MOSMO: variants seen among roughly 807,000 people sequenced by gnomAD.
MOSMO encodes modulator of smoothened protein.
Under a neutral mutation model 18.4 loss-of-function variants are expected in MOSMO, and 5 were observed. The observed-to-expected ratio is 0.27, with a 90% CI of 0.14 to 0.57. MOSMO has a LOEUF of 0.57. Among genes scored for constraint, MOSMO ranks in the 20% least tolerant of loss-of-function variants. The pLI is 0.92. For missense variants in MOSMO, 138 were observed against 211.8 expected (o/e 0.65, Z 2.16); for synonymous variants, 82 against 82.3 (o/e 1.00, Z 0.02).
chr16:22,069,323 A>G (rs1392733530), intron 1 of MOSMO, among the ~76,000 whole-genome samples: 2 of 152,216 alleles, frequency 1.3e-5, no homozygotes, highest in Admixed American at 1.3e-4. Flanking sequence ...TCTAAGAATT[A>G]GAGCATCAAG....
downstream of MOSMO, among the ~76,000 whole-genome samples, chr16:22,088,515 A>G (rs2141798788): frequency 6.6e-6 from 1 of 152,328 alleles, no homozygotes; most frequent in Non-Finnish European, 1.5e-5. Flanking sequence ...AACTTCTCAA[A>G]TGTCATAATA....
chr16:22,061,236 CATTGA>C (rs1221022767), intron 1 of MOSMO, among the ~76,000 whole-genome samples: 2 of 152,158 alleles, frequency 1.3e-5, no homozygotes, highest in Non-Finnish European at 2.9e-5. Context: ...TGTCAGAACT[CATTGA>C]ATTGTACATT....
intron 1 of MOSMO, among the ~76,000 whole-genome samples, chr16:22,058,901 AG>A (rs1900589974): frequency 6.6e-6 from 1 of 152,198 alleles, no homozygotes; most frequent in African/African-American, 2.4e-5. Flanking sequence ...TTGCCTAGGA[AG>A]AATATGGAGT....
intron 1 of MOSMO, among the ~76,000 whole-genome samples, chr16:22,016,753 T>C (rs1331003229): frequency 6.6e-6 from 1 of 152,220 alleles, no homozygotes; most frequent in Non-Finnish European, 1.5e-5. Flanking sequence ...GTTGAGGGTT[T>C]TTATTAATGA....
In MOSMO at chr16:22,075,488, A is replaced by G. The variant is rs1039703764; in HGVS notation, c.108A>G (p.Gly36=). 9 of 1,536,986 alleles carry G rather than the reference A, an allele frequency of 5.9e-6. No homozygotes were observed. The African/African-American group carries it at 1.1e-4, about 19-fold the overall frequency. Residue 36 remains glycine (G), a splice_region_variant and synonymous_variant, in exon 2 of 3, where the codon GGA becomes GGG. Coordinates refer to ENST00000542527, the MANE Select transcript of MOSMO (RefSeq NM_001164579.2). The part of the protein sequence containing the change: ...PDWINTGESA[G]ALTVGLVRQC... ...TTCCCACCATTTGCATCTCCCCAGG[A>G]GCACTCACTGTGGGCCTCGTGCGAC...
chr16:22,052,398 CA>C (rs1359864301), intron 1 of MOSMO, among the ~76,000 whole-genome samples: 1 of 152,196 alleles, frequency 6.6e-6, no homozygotes, highest in Admixed American at 6.5e-5. Flanking sequence ...GACCCTTATA[CA>C]CTGCTGGGAG....
At chr16:22,009,239 T>C (rs913137749) in intron 1 of MOSMO, among the ~76,000 whole-genome samples, 1 of 152,142 alleles carries the variant, frequency 6.6e-6, no homozygotes, top group Non-Finnish European at 1.5e-5. Context: ...TTCCAGCGCA[T>C]CACAAAAACG....
intron 1 of MOSMO, among the ~76,000 whole-genome samples, chr16:22,066,408 A>C (rs1375393608): frequency 6.6e-6 from 1 of 152,130 alleles, no homozygotes; most frequent in Non-Finnish European, 1.5e-5. Flanking sequence ...GCTCCAACTT[A>C]TTTCTGGGAA....
At chr16:22,034,580 T>C (rs1464354043) in intron 1 of MOSMO, among the ~76,000 whole-genome samples, 1 of 152,114 alleles carries the variant, frequency 6.6e-6, no homozygotes, top group Non-Finnish European at 1.5e-5. Context: ...GTAATTCTTA[T>C]CTTTGCTCTT....
chr16:22,061,222 T>G (rs1900639433), intron 1 of MOSMO, among the ~76,000 whole-genome samples: 2 of 152,182 alleles, frequency 1.3e-5, no homozygotes, highest in African/African-American at 4.8e-5. Flanking sequence ...TGGCTACATA[T>G]ATTTGTCAGA....
intron 1 of MOSMO, among the ~76,000 whole-genome samples, chr16:22,061,193 T>C (rs1900638732): frequency 6.6e-6 from 1 of 152,190 alleles, no homozygotes; most frequent in South Asian, 2.1e-4. Context: ...GATGCACACA[T>C]TCTATATCAT....
intron 1 of MOSMO, among the ~76,000 whole-genome samples, chr16:22,015,104 G>A (rs1307355296): frequency 6.6e-6 from 1 of 152,116 alleles, no homozygotes; most frequent in Non-Finnish European, 1.5e-5. Context: ...GCTAAGAGGT[G>A]CCTCTTAGCC....
At chr16:22,062,855 C>T (rs566057537) in intron 1 of MOSMO, among the ~76,000 whole-genome samples, 3 of 151,924 alleles carry the variant, frequency 2.0e-5, no homozygotes, top group South Asian at 2.1e-4. Context: ...ACCTGGATTT[C>T]GGTCTTTTTT....
intron 1 of MOSMO, among the ~76,000 whole-genome samples, chr16:22,009,552 G>C (rs941062956): frequency 2.0e-5 from 3 of 152,028 alleles, no homozygotes; most frequent in Non-Finnish European, 2.9e-5. Context: ...GTAAACAGCT[G>C]TCAGGAGAGC....
chr16:22,024,838 G>C (rs750492483), intron 1 of MOSMO, among the ~76,000 whole-genome samples: 3 of 152,086 alleles, frequency 2.0e-5, no homozygotes, highest in Non-Finnish European at 2.9e-5. Context: ...ACAGACTGTA[G>C]AGCCTAGGTT....
intron 1 of MOSMO, among the ~76,000 whole-genome samples, chr16:22,035,045 A>C (rs920471713): frequency 2.2e-4 from 34 of 151,906 alleles, no homozygotes; most frequent in African/African-American, 7.7e-4. Context: ...AGACTTCTTA[A>C]ATAAGGCCTG....
intron 1 of MOSMO, among the ~76,000 whole-genome samples, chr16:22,074,475 A>G (rs1280648308): frequency 6.6e-6 from 1 of 152,162 alleles, no homozygotes. Context: ...AGCTCCAGAA[A>G]TTTCCATTCC....
At chr16:22,043,769 G>C (rs766475726) in intron 1 of MOSMO, among the ~76,000 whole-genome samples, 1 of 152,104 alleles carries the variant, frequency 6.6e-6, no homozygotes, top group African/African-American at 2.4e-5. Context: ...ATTTATAATC[G>C]TAGAGACTTG....
chr16:22,064,765 G>A (rs1900717498), intron 1 of MOSMO, among the ~76,000 whole-genome samples: 1 of 151,816 alleles, frequency 6.6e-6, no homozygotes, highest in Non-Finnish European at 1.5e-5. Flanking sequence ...AGAATTGTAT[G>A]GATTTATCTA....
Sources: gnomAD v4.1 joint callset for allele counts (sites outside exome capture counted in the v4.1 genomes callset) on GRCh38, gnomAD v4.1.1 for gene constraint, MANE v1.5 for transcripts, NCBI Gene and HGNC (gene_info 2026-07-23, HGNC 2026-07-21) for gene names.